SLU7: variants seen among roughly 807,000 people sequenced by gnomAD.
SLU7 encodes the protein spliceosome associated SLU7.
SLU7 carries 60 observed loss-of-function variants against 87.0 expected under a neutral mutation model. The observed-to-expected ratio is 0.69, with a 90% CI of 0.56 to 0.86. The LOEUF is 0.86. Among genes scored for constraint, SLU7 ranks in the 40% least tolerant of loss-of-function variants. SLU7 has a pLI of 0.00. For synonymous variants in SLU7, 197 were observed against 222.0 expected, an observed-to-expected ratio of 0.89 and a Z score of 1.00; for missense variants, 507 against 686.6, an observed-to-expected ratio of 0.74 and a Z score of 2.92.
rs1764813159 is a variant in SLU7 at position 160,402,240 on chromosome 5, A to C, written c.*1045T>G. Reference sequence around the variant, plus strand: ...TTGTTACATAGGGGCAATCACAATGAAAACAAACGGTAATGTAAACCATAT... The same window carrying C: ...TTGTTACATAGGGGCAATCACAATGCAAACAAACGGTAATGTAAACCATAT... On this transcript the variant is annotated 3_prime_UTR_variant, in exon 16 of 16. Transcript: ENST00000297151. 1 of 152,232 alleles carries C rather than the reference A, an allele frequency of 6.6e-6. No individual in the cohort carries two copies. The allele number at this position is 152,232 out of a possible 1,614,324, so 9.4% of individuals were successfully genotyped here. A position where few individuals can be genotyped will look rare whatever the true frequency, so the allele number is the denominator to read the frequency against.
Position 160,412,537 on chromosome 5 carries a change from AGAAAGAAAG to A in SLU7, c.571-27_571-19del. ...CGTTTTGCCTTTAAAAAAAAAAAAA[AGAAAGAAAG>A]AAAGAAAAAGTAAACATTTAAATTT... On this transcript the variant is annotated intron_variant, in intron 5 of 15. Transcript: ENST00000297151. 6 of 1,075,278 alleles carry A rather than the reference AGAAAGAAAG, an allele frequency of 5.6e-6. No individual in the cohort carries two copies. The highest frequency in any genetic ancestry group is 7.5e-6 in the Non-Finnish European group (6 of 796,844). 66.6% of individuals were successfully genotyped at this position (1,075,278 alleles called of 1,614,324 possible).
intron 1 of SLU7, among the ~76,000 whole-genome samples, chr5:160,417,910 C>T (rs1406226892): frequency 6.6e-6 from 1 of 152,128 alleles, no homozygotes; most frequent in Non-Finnish European, 1.5e-5. Flanking sequence ...TACCTTCCAG[C>T]CTCACCATTA....
Position 160,408,321 on chromosome 5 carries a change from A to G in SLU7, c.819+8T>C, listed in dbSNP as rs771167034. 1.9e-6 allele frequency: 3 copies of G among 1,602,154 alleles called. No individual in the cohort carries two copies. Among genetic ancestry groups the G allele is most frequent in the Non-Finnish European group, 2.6e-6 (3 of 1,175,152 alleles). ...TTCAAATATGTATGTTAAGCTGACA[A>G]GACTTACTTTTGCAATATCTTCTCG... On this transcript the variant is annotated splice_region_variant and intron_variant, in intron 8 of 15. Transcript: ENST00000297151.
At chr5:160,410,131 A>G (rs1012620316) in intron 6 of SLU7, among the ~76,000 whole-genome samples, 33 of 152,222 alleles carry the variant, frequency 2.2e-4, no homozygotes, top group African/African-American at 7.2e-4. Flanking sequence ...TGTAAGAAAC[A>G]TTTTGTATTC....
At chr5:160,411,930 A>G (rs1426114956) in intron 6 of SLU7, among the ~76,000 whole-genome samples, 1 of 152,196 alleles carries the variant, frequency 6.6e-6, no homozygotes, top group Admixed American at 6.5e-5. Flanking sequence ...ATTAAATAAA[A>G]ACTAGTGTTC....
Position 160,408,302 on chromosome 5 carries a change from T to C in SLU7, c.819+27A>G, listed in dbSNP as rs1765089715. ...GCTGGGAAGACAAGTATTTTTCAAA[T>C]ATGTATGTTAAGCTGACAAGACTTA... On this transcript the variant is annotated intron_variant, in intron 8 of 15. Transcript: ENST00000297151. 2.5e-6 allele frequency: 4 copies of C among 1,591,720 alleles called. No homozygotes were observed. In the South Asian group the frequency reaches 4.5e-5, roughly 18 times the overall value.
Position 160,412,523 on chromosome 5 carries a change from T to TA in SLU7, c.571-5dup, listed in dbSNP as rs57812151. On this transcript the variant is annotated splice_polypyrimidine_tract_variant and splice_region_variant and intron_variant, in intron 5 of 15. Transcript: ENST00000297151. Reference sequence around the variant, plus strand: ...GGGCTTTCAATGTTCGTTTTGCCTTTAAAAAAAAAAAAAAGAAAGAAAGAA... The same window carrying TA: ...GGGCTTTCAATGTTCGTTTTGCCTTTAAAAAAAAAAAAAAAGAAAGAAAGAA... 84,802 of 833,224 alleles carry TA rather than the reference T, an allele frequency of 0.1. 1,001 individuals carry two copies. The highest frequency in any genetic ancestry group is 0.12 in the African/African-American group (5,831 of 46,958). 51.6% of individuals were successfully genotyped at this position (833,224 alleles called of 1,614,324 possible).
At chr5:160,413,341 T>G (rs200289119) in intron 5 of SLU7, 115 bp downstream of exon 5, 1 of 730,934 alleles carries the variant, frequency 1.4e-6, no homozygotes, top group Non-Finnish European at 2.2e-6. Context: ...AGTACTACTA[T>G]TATAAAAATG....
At chr5:160,413,718 A>T in intron 4 of SLU7, 98 bp from the exon 5 acceptor site, 3 of 1,155,690 alleles carry the variant, frequency 2.6e-6, no homozygotes, top group Non-Finnish European at 3.7e-6. Context: ...CGATCTATTC[A>T]ATTTACAGTT....
intron 1 of SLU7, among the ~76,000 whole-genome samples, chr5:160,417,710 T>C (rs1351151240): frequency 6.9e-6 from 1 of 144,768 alleles, no homozygotes; most frequent in Non-Finnish European, 1.5e-5. Flanking sequence ...GAGAATCACC[T>C]GAACCCAGGA....
chr5:160,415,380 A>C, intron 1 of SLU7, 70 bp from the exon 2 acceptor site: 2 of 1,127,396 alleles, frequency 1.8e-6, no homozygotes, highest in Non-Finnish European at 2.5e-6. Context: ...CCAAAAATAC[A>C]TCCTAATAAT....
intron 6 of SLU7, among the ~76,000 whole-genome samples, chr5:160,411,768 A>G (rs1670565220): frequency 6.6e-6 from 1 of 152,180 alleles, no homozygotes; most frequent in East Asian, 1.9e-4. Context: ...TACTCTATTG[A>G]CAAGGATTTT....
At chr5:160,406,430 C>T (rs1009231371) in intron 12 of SLU7, 38 bp downstream of exon 12, 1 of 1,533,158 alleles carries the variant, frequency 6.5e-7, no homozygotes, top group African/African-American at 1.4e-5. Context: ...CAGAGCAAAA[C>T]CAACAAGGAC....
At chr5:160,406,173 A>G (rs1471338226) in intron 12 of SLU7, among the ~76,000 whole-genome samples, 1 of 152,212 alleles carries the variant, frequency 6.6e-6, no homozygotes, top group African/African-American at 2.4e-5. Flanking sequence ...ATATGTGTGT[A>G]TATATGTGTA....
At chr5:160,404,765 C>A (rs764438972) in intron 14 of SLU7, 44 bp downstream of exon 14, 25 of 1,336,434 alleles carry the variant, frequency 1.9e-5, no homozygotes, top group Non-Finnish European at 2.7e-5. Context: ...TTAAAGCCCT[C>A]CCTCCAGGAC....
intron 6 of SLU7, among the ~76,000 whole-genome samples, chr5:160,410,870 CT>C (rs67739399): frequency 3.8e-4 from 56 of 145,704 alleles, no homozygotes; most frequent in East Asian, 2.6e-3. Flanking sequence ...GGCAAATTCA[CT>C]TTTTTTTTTT....
Position 160,403,307 on chromosome 5 carries a change from A to G in SLU7, c.1739T>C (p.Met580Thr). 6.2e-7 allele frequency: 1 copy of G among 1,607,788 alleles called. No individual in the cohort carries two copies. The highest frequency in any genetic ancestry group is 2.3e-5 in the East Asian group (1 of 44,378). ...RMKRQRPDDP[M>T]ASFLGQ The stretch of plus-strand genomic sequence containing the variant: ...TTGCTACTGTCCAAGGAAAGAGGCC[A>G]TGGGGTCATCTGGCCTCTGACGTTT... The change falls in exon 16 of 16, where the codon ATG (methionine) becomes ACG (threonine). Residue 580 changes from methionine (M) to threonine (T), a missense_variant. Physicochemically the swap from Met to Thr is moderately conservative, Grantham distance 81. Coordinates refer to ENST00000297151, the MANE Select transcript of SLU7 (RefSeq NM_006425.5).
intron 6 of SLU7, among the ~76,000 whole-genome samples, chr5:160,410,985 C>T (rs1765207538): frequency 6.6e-6 from 1 of 151,938 alleles, no homozygotes; most frequent in African/African-American, 2.4e-5. Flanking sequence ...CCTGCCTCAG[C>T]CTCCCGAGTA....
Position 160,407,805 on chromosome 5 carries a change from T to A in SLU7, c.926A>T (p.Tyr309Phe). The A allele has an allele frequency of 6.2e-7, 1 of 1,609,304 alleles. No homozygotes were observed. The highest frequency in any genetic ancestry group is 8.5e-7 in the Non-Finnish European group (1 of 1,175,760). Residue 309 changes from tyrosine to phenylalanine, a missense_variant, in exon 10 of 16, where the codon TAT becomes TTT. Tyr to Phe is a conservative substitution (Grantham distance 22). Coordinates refer to ENST00000297151, the MANE Select transcript of SLU7 (RefSeq NM_006425.5). The surrounding 1 kb of genome is among the most constrained non-coding windows in gnomAD (Gnocchi z 4.2). ...NAGKNPDEVS[Y>F]AGDNFVRYTG... ...GTACCTAACAAAGTTATCTCCAGCA[T>A]AACTCACTCTGTAAATACAAATAAA...
Sources: allele counts gnomAD v4.1 joint callset (sites outside exome capture counted in the v4.1 genomes callset), GRCh38; gene constraint gnomAD v4.1.1; non-coding constraint Gnocchi (gnomAD v3.1); transcripts MANE v1.5; gene names NCBI Gene and HGNC (gene_info 2026-07-23, HGNC 2026-07-21).